AP1G1: variants seen among roughly 807,000 people sequenced by gnomAD.
The protein encoded by AP1G1 is adaptor related protein complex 1 subunit gamma 1, also known as AP-1 complex subunit gamma-1.
AP1G1 carries 7 observed loss-of-function variants against 108.3 expected under a neutral mutation model. That is an observed-to-expected ratio of 0.06 (90% CI 0.04 to 0.12). The LOEUF (loss-of-function observed/expected upper bound fraction) is 0.12. Among genes scored for constraint, AP1G1 ranks in the 10% least tolerant of loss-of-function variants. The pLI is 1.00. For synonymous variants in AP1G1, 379 were observed against 353.5 expected (o/e 1.07, Z -0.81); for missense variants, 756 against 1,010.7 (o/e 0.75, Z 3.42).
At chr16:71,804,586 T>C (rs2032933259) in intron 1 of AP1G1, among the ~76,000 whole-genome samples, 1 of 151,598 alleles carries the variant, frequency 6.6e-6, no homozygotes, top group Admixed American at 6.6e-5. Context: ...TTTTGTATTT[T>C]TAGTACAGAC....
chr16:71,807,903 T>TA, intron 1 of AP1G1: 7 of 1,284,190 alleles, frequency 5.5e-6, no homozygotes, highest in Non-Finnish European at 7.1e-6. Flanking sequence ...ACCAAAAAGC[T>TA]AAGTATTCAG....
intron 9 of AP1G1, 49 bp downstream of exon 9, chr16:71,764,301 T>C (rs371916080): frequency 8.6e-7 from 1 of 1,164,944 alleles, no homozygotes; most frequent in Non-Finnish European, 1.2e-6. Context: ...AAGTCAACCA[T>C]TCTAAGTGAA....
chr16:71,788,825 C>CTT (rs67092359), intron 2 of AP1G1, among the ~76,000 whole-genome samples: 1 of 145,594 alleles, frequency 6.9e-6, no homozygotes, highest in Non-Finnish European at 1.5e-5. Flanking sequence ...CCACACCATG[C>CTT]TTTTTTTTTT....
Position 71,729,256 on chromosome 16 carries a change from A to T in AP1G1, c.*3802T>A, listed in dbSNP as rs1457903536. ...CTTTTTAATATTTTTACAGTAAAGA[A>T]GATGTGATGGGGCATAATGAAAATG... On this transcript the variant is annotated 3_prime_UTR_variant, in exon 23 of 23. Coordinates refer to ENST00000299980, the MANE Select transcript of AP1G1 (RefSeq NM_001128.6). 6 of 152,478 alleles carry T rather than the reference A, an allele frequency of 3.9e-5. No homozygotes were observed. The highest frequency in any genetic ancestry group is 3.9e-4 in the East Asian group (2 of 5,188). The allele number at this position is 152,478 out of a possible 1,614,324, so 9.4% of individuals were successfully genotyped here. A position where few individuals can be genotyped will look rare whatever the true frequency, so the allele number is the denominator to read the frequency against.
intron 3 of AP1G1, among the ~76,000 whole-genome samples, chr16:71,774,067 GAA>G (rs1182717329): frequency 4.9e-5 from 4 of 80,998 alleles, no homozygotes; most frequent in Non-Finnish European, 5.2e-5. Flanking sequence ...GTCTCAAAAA[GAA>G]AAAAAAAAAA....
chr16:71,769,341 T>A (rs2031476774), intron 6 of AP1G1, among the ~76,000 whole-genome samples: 1 of 151,994 alleles, frequency 6.6e-6, no homozygotes, highest in Non-Finnish European at 1.5e-5. Flanking sequence ...AGATCATGTT[T>A]CTTGACTCAA....
At chr16:71,778,700 G>T (rs1371885956) in intron 2 of AP1G1, among the ~76,000 whole-genome samples, 2 of 134,618 alleles carry the variant, frequency 1.5e-5, no homozygotes, top group African/African-American at 5.5e-5. Context: ...AAAAAAGAAA[G>T]AAAGAAAAAA....
intron 2 of AP1G1, among the ~76,000 whole-genome samples, chr16:71,780,978 C>G (rs1045511417): frequency 1.3e-5 from 2 of 152,120 alleles, no homozygotes; most frequent in African/African-American, 2.4e-5. Context: ...CCACTGTACC[C>G]TACCCTAACT....
At chr16:71,772,645 G>C (rs1008822042) in intron 4 of AP1G1, among the ~76,000 whole-genome samples, 1 of 152,154 alleles carries the variant, frequency 6.6e-6, no homozygotes, top group Non-Finnish European at 1.5e-5. Flanking sequence ...GAGAGGCACA[G>C]TAAATGCCAA....
intron 1 of AP1G1, among the ~76,000 whole-genome samples, chr16:71,799,170 T>C (rs977174134): frequency 3.3e-5 from 5 of 152,164 alleles, no homozygotes; most frequent in African/African-American, 1.2e-4. Context: ...TTATACCCAG[T>C]GGTTTCATGA....
At position 71,776,182 on chromosome 16, in the gene AP1G1, G is replaced by A. The variant is rs373267009; in HGVS notation, c.202-1590C>T. On this transcript the variant is annotated intron_variant, in intron 2 of 22. Transcript: ENST00000299980. ...GAATTTATCTACTAAATTCGAAAGT[G>A]AAATTGAGGAAAGTAAAACAGTTCC... is the stretch of plus-strand genomic sequence containing the variant. Among the ~76,000 whole-genome samples the A allele has an allele frequency of 3.6e-4, 55 of 152,322 alleles. No homozygotes were observed. The South Asian group carries it at 0.011, about 32-fold the overall frequency.
At chr16:71,792,373 T>C (rs1051483769) in intron 1 of AP1G1, among the ~76,000 whole-genome samples, 1 of 152,114 alleles carries the variant, frequency 6.6e-6, no homozygotes, top group Non-Finnish European at 1.5e-5. Flanking sequence ...AGAAGGGCAA[T>C]GACAAATCTT....
chr16:71,760,915 G>A lies in AP1G1; in HGVS notation c.974+597C>T, dbSNP rs1452089454. Among the ~76,000 whole-genome samples, 3 of 152,022 alleles carry A rather than the reference G, an allele frequency of 2.0e-5. No homozygotes were observed. The East Asian group carries it at 5.8e-4, about 29-fold the overall frequency. Reference sequence around the variant, plus strand: ...TAGAAAAACAGGTAAGCAGGAATACGTACTACATACAGGAAAATAACAAAA... The same window carrying A: ...TAGAAAAACAGGTAAGCAGGAATACATACTACATACAGGAAAATAACAAAA... On this transcript the variant is annotated intron_variant, in intron 10 of 22. Coordinates refer to ENST00000299980, the MANE Select transcript of AP1G1 (RefSeq NM_001128.6).
intron 16 of AP1G1, 200 bp from the exon 17 acceptor site, chr16:71,746,892 C>T (rs1014910193): frequency 2.4e-6 from 1 of 416,928 alleles, no homozygotes; most frequent in Non-Finnish European, 4.3e-6. Context: ...CTCATTGTAA[C>T]ACTAGATTTT....
At chr16:71,739,951 G>A (rs1043164117) in intron 19 of AP1G1, among the ~76,000 whole-genome samples, 3 of 152,146 alleles carry the variant, frequency 2.0e-5, no homozygotes, top group Non-Finnish European at 4.4e-5. Context: ...CTTACAAACA[G>A]ATGCTCAATT....
At chr16:71,736,384 CTTT>C (rs776717308) in intron 21 of AP1G1, among the ~76,000 whole-genome samples, 3 of 135,128 alleles carry the variant, frequency 2.2e-5, no homozygotes, top group Non-Finnish European at 4.8e-5. Context: ...TAAAATATGA[CTTT>C]TTTTTTTTTT....
intron 1 of AP1G1, among the ~76,000 whole-genome samples, chr16:71,792,330 A>G (rs1169373620): frequency 1.3e-5 from 2 of 152,176 alleles, no homozygotes; most frequent in Non-Finnish European, 2.9e-5. Context: ...GTAAAATCAG[A>G]CTGAAAGAGA....
At chr16:71,774,258 A>G in intron 3 of AP1G1, 1 of 506,798 alleles carries the variant, frequency 2.0e-6, no homozygotes, top group South Asian at 2.8e-5. Flanking sequence ...GGTGCCTATA[A>G]TCCCAGCTAC....
At chr16:71,734,769 CA>C in intron 21 of AP1G1, 62 bp from the exon 22 acceptor site, 5 of 1,366,788 alleles carry the variant, frequency 3.7e-6, no homozygotes, top group Admixed American at 1.7e-5. Context: ...TCAGAGATAC[CA>C]AAAACCATTT....
Sources: allele counts gnomAD v4.1 joint callset (sites outside exome capture counted in the v4.1 genomes callset), GRCh38; gene constraint gnomAD v4.1.1; transcripts MANE v1.5; gene names NCBI Gene and HGNC (gene_info 2026-07-23, HGNC 2026-07-21).